Variants in DACH2 observed in about 807,000 individuals in gnomAD.
DACH2 encodes the protein dachshund homolog 2.
In DACH2, 17 loss-of-function variants were observed where a neutral mutation model predicts 35.8. The ratio of observed to expected loss-of-function variants is 0.48; its 90% CI spans 0.33 to 0.71. DACH2 has a LOEUF of 0.71. Among genes scored for constraint, DACH2 ranks in the 30% least tolerant of loss-of-function variants. The pLI is 0.02. For missense variants in DACH2, 469 were observed against 472.7 expected, an observed-to-expected ratio of 0.99 and a Z score of 0.07; for synonymous variants, 195 against 177.3, an observed-to-expected ratio of 1.10 and a Z score of -0.79.
intron 3 of DACH2, among the ~76,000 whole-genome samples, chrX:86,627,869 ACAGT>A (rs2040155718): frequency 8.9e-6 from 1 of 112,461 alleles, no homozygotes; most frequent in African/African-American, 3.2e-5. Context: ...AAACCATCAG[ACAGT>A]CAAAGAGTAA....
intron 1 of DACH2, among the ~76,000 whole-genome samples, chrX:86,216,227 A>T (rs2032567364): frequency 8.9e-6 from 1 of 111,965 alleles, no homozygotes; most frequent in Non-Finnish European, 1.9e-5. Flanking sequence ...TTTTTAAATT[A>T]CACTAAGTTC....
chrX:86,370,501 T>C (rs952622658), intron 1 of DACH2, among the ~76,000 whole-genome samples: 9 of 111,385 alleles, frequency 8.1e-5, no homozygotes, highest in African/African-American at 2.9e-4. Flanking sequence ...ATAAATAGTG[T>C]AATGGTGCTG....
chrX:86,313,023 T>A (rs1366544969), intron 1 of DACH2, among the ~76,000 whole-genome samples: 1 of 111,440 alleles, frequency 9.0e-6, no homozygotes, highest in African/African-American at 3.3e-5. Flanking sequence ...TTAATAATAA[T>A]GTACTATATA....
At chrX:86,306,569 A>G (rs1328577412) in intron 1 of DACH2, among the ~76,000 whole-genome samples, 1 of 111,786 alleles carries the variant, frequency 8.9e-6, no homozygotes, top group Non-Finnish European at 1.9e-5. Context: ...ATCAGCTTCC[A>G]GGAAATACAA....
intron 1 of DACH2, among the ~76,000 whole-genome samples, chrX:86,343,528 T>C (rs2035447619): frequency 9.0e-6 from 1 of 111,262 alleles, no homozygotes; most frequent in Non-Finnish European, 1.9e-5. Context: ...AATATTTACT[T>C]TTTAAAGGCA....
intron 7 of DACH2, among the ~76,000 whole-genome samples, chrX:86,763,795 C>A (rs766546746): frequency 1.8e-5 from 2 of 111,782 alleles, no homozygotes; most frequent in East Asian, 5.7e-4. Context: ...GGGTAATATT[C>A]TGTTTGTTGA....
intron 2 of DACH2, among the ~76,000 whole-genome samples, chrX:86,391,030 C>A (rs1189154625): frequency 9.1e-6 from 1 of 109,332 alleles, no homozygotes; most frequent in Non-Finnish European, 1.9e-5. Flanking sequence ...CCTGTAATCC[C>A]AGCACTTTGG....
chrX:86,455,386 G>A (rs1486923562), intron 2 of DACH2, among the ~76,000 whole-genome samples: 6 of 111,639 alleles, frequency 5.4e-5, no homozygotes, highest in Non-Finnish European at 1.1e-4. Flanking sequence ...AAATAGAACA[G>A]CTGAGTTCAC....
chrX:86,291,233 G>A (rs1405841459), intron 1 of DACH2, among the ~76,000 whole-genome samples: 7 of 108,237 alleles, frequency 6.5e-5, no homozygotes, highest in Non-Finnish European at 1.1e-4. Flanking sequence ...TTTGTCTGTT[G>A]TTGGTGTATA....
chrX:86,817,695 C>T (rs2042467109), intron 11 of DACH2, among the ~76,000 whole-genome samples: 1 of 111,773 alleles, frequency 8.9e-6, no homozygotes, highest in Non-Finnish European at 1.9e-5. Context: ...GAGAGAAATA[C>T]AAGCTTTTGA....
intron 1 of DACH2, among the ~76,000 whole-genome samples, chrX:86,272,025 A>C (rs2033821919): frequency 9.0e-6 from 1 of 111,046 alleles, no homozygotes; most frequent in South Asian, 3.8e-4. Flanking sequence ...TTATTATTCC[A>C]CACTTTGTGA....
At chrX:86,830,576 A>G (rs1017920732) in intron 11 of DACH2, 15 of 111,714 alleles carry the variant, frequency 1.3e-4, no homozygotes, top group African/African-American at 4.9e-4. Context: ...AATAAACATA[A>G]CAAAAGTAGA....
chrX:86,465,184 A>G (rs1308368203), intron 2 of DACH2, among the ~76,000 whole-genome samples: 3 of 112,216 alleles, frequency 2.7e-5, no homozygotes, highest in Non-Finnish European at 5.6e-5. Flanking sequence ...GCACTCTTCT[A>G]TCCTTTCAAA....
At chrX:86,665,014 C>T (rs1052216016) in intron 4 of DACH2, among the ~76,000 whole-genome samples, 30 of 111,407 alleles carry the variant, frequency 2.7e-4, no homozygotes, top group African/African-American at 9.1e-4. Context: ...CAAGGTTCCC[C>T]GGAGTGTTTT....
At chrX:86,615,849 T>C (rs971464171) in intron 3 of DACH2, among the ~76,000 whole-genome samples, 3 of 110,452 alleles carry the variant, frequency 2.7e-5, no homozygotes, top group African/African-American at 9.9e-5. Context: ...GGGGGTTAGT[T>C]GTACAGATTA....
At chrX:86,291,893 G>T (rs1418522121) in intron 1 of DACH2, among the ~76,000 whole-genome samples, 3 of 63,651 alleles carry the variant, frequency 4.7e-5, no homozygotes, top group Non-Finnish European at 8.3e-5. Context: ...TCTCTTTTTT[G>T]GTTGTGTCTC....
At chrX:86,722,354 A>G (rs751029154) in intron 6 of DACH2, among the ~76,000 whole-genome samples, 1 of 110,342 alleles carries the variant, frequency 9.1e-6, no homozygotes, top group Non-Finnish European at 1.9e-5. Flanking sequence ...GTATTTATGT[A>G]TTTCTTTATT....
At chrX:86,667,556 GAAAGAAAGAAAGAAAGAAAGAAAGA>G (rs2040707143) in intron 4 of DACH2, among the ~76,000 whole-genome samples, 1 of 66,124 alleles carries the variant, frequency 1.5e-5, no homozygotes, top group African/African-American at 7.6e-5. Flanking sequence ...AAGAAAGAAA[GAAAGAAAGAAAGAAAGAAAGAAAGA>G]AAGAAAGAAA....
chrX:86,415,621 A>G (rs1463288856), intron 2 of DACH2, among the ~76,000 whole-genome samples: 1 of 111,281 alleles, frequency 9.0e-6, no homozygotes, highest in African/African-American at 3.3e-5. Flanking sequence ...CATTCTTGGT[A>G]CTGCAATTCA....
Sources: gnomAD v4.1 joint callset for allele counts (sites outside exome capture counted in the v4.1 genomes callset) on GRCh38, gnomAD v4.1.1 for gene constraint, MANE v1.5 for transcripts, NCBI Gene and HGNC (gene_info 2026-07-23, HGNC 2026-07-21) for gene names.